The following FRK variants were observed in gnomAD, a reference collection of about 807,000 sequenced individuals.
FRK encodes the protein tyrosine-protein kinase FRK.
In FRK, 51 loss-of-function variants were observed where a neutral mutation model predicts 56.4. The observed-to-expected ratio is 0.90, with a 90% CI of 0.72 to 1.14. FRK has a LOEUF of 1.14. FRK is among the 50% of genes most tolerant of loss of function. FRK has a pLI of 0.00. For missense variants in FRK, 570 were observed against 601.4 expected (o/e 0.95, Z 0.55); for synonymous variants, 245 against 217.9 (o/e 1.12, Z -1.10).
chr6:116,051,857 T>C (rs1224746390), intron 1 of FRK, among the ~76,000 whole-genome samples: 1 of 152,148 alleles, frequency 6.6e-6, no homozygotes, highest in Non-Finnish European at 1.5e-5. Flanking sequence ...AAAAATCTAT[T>C]AATATTCAGT....
At chr6:115,974,246 A>G (rs1411321146) in intron 2 of FRK, among the ~76,000 whole-genome samples, 2 of 152,204 alleles carry the variant, frequency 1.3e-5, no homozygotes, top group African/African-American at 4.8e-5. Flanking sequence ...CAAAAGATCT[A>G]ATAGTCTCCA....
the FRK span, among the ~76,000 whole-genome samples, chr6:116,070,145 A>AC: frequency 6.6e-6 from 1 of 151,962 alleles, no homozygotes; most frequent in Non-Finnish European, 1.5e-5. Context: ...AAAAAAAAAA[A>AC]AAAAAACCTG....
intron 2 of FRK, among the ~76,000 whole-genome samples, chr6:115,970,446 T>C (rs573841216): frequency 5.9e-4 from 90 of 152,334 alleles, no homozygotes; most frequent in African/African-American, 2.1e-3. Flanking sequence ...CATCAACACA[T>C]AAATAGAACT....
At chr6:115,947,316 CAGTG>C (rs1772500629) in intron 5 of FRK, among the ~76,000 whole-genome samples, 1 of 57,394 alleles carries the variant, frequency 1.7e-5, no homozygotes, top group Non-Finnish European at 3.4e-5. Flanking sequence ...AAGACTTAAA[CAGTG>C]TGTGTGTGTG....
At position 115,967,693 on chromosome 6, in the gene FRK, C is replaced by T; in HGVS notation, c.657G>A (p.Leu219=). Residue 219 remains leucine (L), a synonymous_variant, in exon 4 of 8, where the codon TTG becomes TTA. Transcript: ENST00000606080. ...LKIQVPAPFD[L]SYKTVDQWEI... Reference sequence around the variant, plus strand: ...CCCATTGGTCCACGGTTTTATACGACAAATCAAATGGAGCTGGGACCTGGA... The same window carrying T: ...CCCATTGGTCCACGGTTTTATACGATAAATCAAATGGAGCTGGGACCTGGA... 2.5e-6 allele frequency: 4 copies of T among 1,602,162 alleles called. No individual in the cohort carries two copies. Among genetic ancestry groups the T allele is most frequent in the Non-Finnish European group, 3.4e-6 (4 of 1,174,484 alleles).
At chr6:116,061,690 G>T (rs191712473), upstream of FRK, among the ~76,000 whole-genome samples, 31 of 152,226 alleles carry the variant, frequency 2.0e-4, no homozygotes, top group East Asian at 4.8e-3. Flanking sequence ...AAAAACAGCC[G>T]GGCAATGAGT....
chr6:116,065,093 T>C (rs1161201991), upstream of FRK, among the ~76,000 whole-genome samples: 1 of 152,174 alleles, frequency 6.6e-6, no homozygotes, highest in Non-Finnish European at 1.5e-5. Flanking sequence ...AAATCACTTC[T>C]GTCTTCCTTG....
rs1009726119 is a variant in FRK at position 115,935,633 on chromosome 6, G to C, written c.*6781C>G. ...CTCATTGCAAGCACAGCAGTCTGAGGTCGACCTGGGACACTCGAGCTTGGA... is the reference window on the plus strand; with the variant it reads ...CTCATTGCAAGCACAGCAGTCTGAGCTCGACCTGGGACACTCGAGCTTGGA... On this transcript the variant is annotated 3_prime_UTR_variant, in exon 8 of 8. Coordinates refer to ENST00000606080, the MANE Select transcript of FRK (RefSeq NM_002031.3). 6 of 152,366 alleles carry C rather than the reference G, an allele frequency of 3.9e-5. No individual in the cohort carries two copies. Among genetic ancestry groups the C allele is most frequent in the Non-Finnish European group, 7.3e-5 (5 of 68,172 alleles). The allele number at this position is 152,366 out of a possible 1,614,324, so 9.4% of individuals were successfully genotyped here. A position where few individuals can be genotyped will look rare whatever the true frequency, so the allele number is the denominator to read the frequency against.
In FRK at chr6:115,943,007, A is replaced by G; in HGVS notation, c.1306+13T>C. The G allele has an allele frequency of 1.2e-6, 2 of 1,606,334 alleles. No individual in the cohort carries two copies. Among genetic ancestry groups the G allele is most frequent in the Admixed American group, 1.7e-5 (1 of 58,188 alleles). Reference sequence around the variant, plus strand: ...ATGCAGCAGAAAGGTCCACTTCAGAATTAATTACTCACCACTGTAAGGCAT... The same window carrying G: ...ATGCAGCAGAAAGGTCCACTTCAGAGTTAATTACTCACCACTGTAAGGCAT... On this transcript the variant is annotated intron_variant, in intron 7 of 7. Coordinates refer to ENST00000606080, the MANE Select transcript of FRK (RefSeq NM_002031.3).
rs1777582583 is a variant in FRK, at chr6:116,060,350, T to G, written c.-39A>C. The G allele has an allele frequency of 3.3e-6, 5 of 1,505,214 alleles. No individual in the cohort carries two copies. The highest frequency in any genetic ancestry group is 1.4e-5 in the African/African-American group (1 of 72,394). The allele number at this position is 1,505,214 out of a possible 1,614,324, so 93.2% of individuals were successfully genotyped here. ...GGAGAAGAGGAGCAGGGCTTCTCCC[T>G]CTCCCCTTAGTCTCTGCGATCCACC... is the stretch of plus-strand genomic sequence containing the variant. On this transcript the variant is annotated 5_prime_UTR_variant, in exon 1 of 8. Transcript: ENST00000606080.
chr6:115,991,643 T>C (rs569040628), intron 2 of FRK, among the ~76,000 whole-genome samples: 1 of 151,966 alleles, frequency 6.6e-6, no homozygotes, highest in East Asian at 1.9e-4. Flanking sequence ...TGATGAATTA[T>C]CTTTTTGGTA....
chr6:116,084,188 G>A, the FRK span, among the ~76,000 whole-genome samples: 411 of 152,190 alleles, frequency 2.7e-3, 2 homozygotes, highest in African/African-American at 8.9e-3. Context: ...GGCAGGATCA[G>A]TTGCTCAAGT....
Position 115,942,502 on chromosome 6 carries a change from C to A in FRK, c.1430G>T (p.Arg477Leu), listed in dbSNP as rs199509116. Reference protein sequence around the residue: ...LECWNAEPKERPTFETLRWKL... With the variant: ...LECWNAEPKELPTFETLRWKL... ...CCAACGCAGTGTCTCAAATGTAGGTCGTTCCTTAGGCTCTGCATTCCAGCA... is the reference window on the plus strand; with the variant it reads ...CCAACGCAGTGTCTCAAATGTAGGTAGTTCCTTAGGCTCTGCATTCCAGCA... Residue 477 changes from arginine (R) to leucine (L), a missense_variant, in exon 8 of 8, where the codon CGA (arginine) becomes CTA (leucine). Transcript: ENST00000606080. 6.2e-7 allele frequency: 1 copy of A among 1,613,600 alleles called. No individual in the cohort carries two copies.
chr6:116,013,203 T>C (rs1472582992), intron 1 of FRK, among the ~76,000 whole-genome samples: 2 of 152,170 alleles, frequency 1.3e-5, no homozygotes, highest in Non-Finnish European at 2.9e-5. Context: ...AGAATCTTGT[T>C]ATAGTCTGAA....
intron 1 of FRK, chr6:116,038,805 G>A (rs753218647): frequency 8.0e-6 from 4 of 502,568 alleles, no homozygotes; most frequent in South Asian, 4.8e-5. Flanking sequence ...ATGAACCGAC[G>A]GAAGAAGAGC....
chr6:115,946,048 A>G (rs1772436341), intron 5 of FRK, among the ~76,000 whole-genome samples: 1 of 152,146 alleles, frequency 6.6e-6, no homozygotes, highest in African/African-American at 2.4e-5. Flanking sequence ...TTTAGCTGCC[A>G]TACTGTTGAC....
rs965974584 is a variant in FRK at position 115,934,380 on chromosome 6, C to T, written c.*8034G>A. The T allele has an allele frequency of 9.2e-5, 14 of 152,198 alleles. No individual in the cohort carries two copies. Among genetic ancestry groups the T allele is most frequent in the Non-Finnish European group, 1.5e-4 (10 of 68,030 alleles). 9.4% of individuals were successfully genotyped at this position (152,198 alleles called of 1,614,324 possible). A position where few individuals can be genotyped will look rare whatever the true frequency, so the allele number is the denominator to read the frequency against. On this transcript the variant is annotated 3_prime_UTR_variant, in exon 8 of 8. Transcript: ENST00000606080. ...GGCATAGGACCCAAGTTTGCTGGAA[C>T]ACAAAAATGAAAATAATTTTTAATC...
the FRK span, among the ~76,000 whole-genome samples, chr6:116,080,384 G>C: frequency 6.6e-6 from 1 of 152,116 alleles, no homozygotes; most frequent in Non-Finnish European, 1.5e-5. Context: ...TCAATCTCCT[G>C]ACCTCATGAT....
In FRK at chr6:116,060,178, TG is replaced by T. The variant is rs1167216508; in HGVS notation, c.133del (p.His45ThrfsTer17). 9 of 1,614,054 alleles carry T rather than the reference TG, an allele frequency of 5.6e-6. No homozygotes were observed. The highest frequency in any genetic ancestry group is 7.6e-6 in the Non-Finnish European group (9 of 1,180,032). Reference protein sequence around the residue: ...LCSPQSQRHGHYFVALFDYQA... With the variant: ...LCSPQSQRHGXYFVALFDYQA... ...GTAATCAAACAAAGCCACAAAGTAG[TG>T]GCCATGCCTCTGTGACTGGGGAGAG... On this transcript the variant is annotated frameshift_variant, in exon 1 of 8. Coordinates refer to ENST00000606080, the MANE Select transcript of FRK (RefSeq NM_002031.3). LOFTEE classifies it high-confidence loss of function.
Sources: allele counts gnomAD v4.1 joint callset (sites outside exome capture counted in the v4.1 genomes callset), GRCh38; gene constraint gnomAD v4.1.1; transcripts MANE v1.5; gene names NCBI Gene and HGNC (gene_info 2026-07-23, HGNC 2026-07-21).